The following TRPM5 variants were observed in gnomAD, a reference collection of about 807,000 sequenced individuals.
TRPM5 encodes transient receptor potential cation channel subfamily M member 5.
TRPM5 carries 121 observed loss-of-function variants against 124.9 expected under a neutral mutation model. That is an observed-to-expected ratio of 0.97 (90% CI 0.84 to 1.13). TRPM5 has a LOEUF of 1.13. Ranked by LOEUF, TRPM5 falls within the 50% of genes most tolerant of loss-of-function variation. The pLI is 0.00. For missense variants in TRPM5, 1,643 were observed against 1,589.1 expected (o/e 1.03, Z -0.58); for synonymous variants, 781 against 700.5 (o/e 1.11, Z -1.81).
At chr11:2,435,987 T>G in the TRPM5 span, among the ~76,000 whole-genome samples, 1 of 152,200 alleles carries the variant, frequency 6.6e-6, no homozygotes, top group South Asian at 2.1e-4. The surrounding 1 kb of genome is among the most constrained non-coding windows in gnomAD (Gnocchi z 4.1). Flanking sequence ...CGTAGGCAGT[T>G]CTCGTGGTTT....
the TRPM5 span, among the ~76,000 whole-genome samples, chr11:2,431,027 G>A: frequency 4.6e-5 from 7 of 152,094 alleles, no homozygotes; most frequent in African/African-American, 1.7e-4. Flanking sequence ...ATGTTATAAC[G>A]CTAGCAGCTT....
chr11:2,404,237 G>A (rs527602906), downstream of TRPM5, among the ~76,000 whole-genome samples: 3 of 152,336 alleles, frequency 2.0e-5, no homozygotes, highest in Admixed American at 2.0e-4. Context: ...GTGGGCAGTT[G>A]GGGGGCCTGG....
At chr11:2,406,160 TC>T (rs1279745735) in intron 21 of TRPM5, 69 bp from the exon 27 acceptor site, 9 of 1,535,480 alleles carry the variant, frequency 5.9e-6, no homozygotes, top group Non-Finnish European at 5.4e-6. Flanking sequence ...AGCCTCCCCA[TC>T]CCCCCAGGCC....
chr11:2,421,452 A>C (rs1305438379), intron 2 of TRPM5, among the ~76,000 whole-genome samples: 1 of 152,160 alleles, frequency 6.6e-6, no homozygotes, highest in Non-Finnish European at 1.5e-5. Flanking sequence ...TGGAGCGCAC[A>C]AACTGGGGTC....
exon 20 of TRPM5, chr11:2,407,149 T>TGTGCTCAGCCGCCTC (rs769114719): frequency 6.2e-7 from 1 of 1,608,282 alleles, no homozygotes; most frequent in Admixed American, 1.7e-5. Context: ...TCAGCCTCCT[T>TGTGCTCAGCCGCCTC]CTTGAAGACC....
At chr11:2,440,891 C>A in the TRPM5 span, among the ~76,000 whole-genome samples, 1 of 152,192 alleles carries the variant, frequency 6.6e-6, no homozygotes, top group Non-Finnish European at 1.5e-5. The surrounding 1 kb of genome is among the most constrained non-coding windows in gnomAD (Gnocchi z 5.2). Flanking sequence ...ACACACCCTT[C>A]CCTTGGTCAG....
chr11:2,409,828 C>A (rs1385646174), intron 18 of TRPM5, among the ~76,000 whole-genome samples: 1 of 152,194 alleles, frequency 6.6e-6, no homozygotes, highest in Non-Finnish European at 1.5e-5. Flanking sequence ...GCTCTGAGAT[C>A]CCCGCAGCAC....
chr11:2,421,056 G>C (rs1033240887), exon 3 of TRPM5: 5 of 1,547,400 alleles, frequency 3.2e-6, no homozygotes, highest in Non-Finnish European at 3.5e-6. Flanking sequence ...GAATGCGGCG[G>C]TGCAGGACGC....
intron 2 of TRPM5, 25 bp downstream of exon 7, chr11:2,422,116 C>T: frequency 3.8e-6 from 6 of 1,562,270 alleles, no homozygotes; most frequent in Non-Finnish European, 5.2e-6. Flanking sequence ...GGTGGGAGCG[C>T]TGCCTGTGCC....
intron 8 of TRPM5, among the ~76,000 whole-genome samples, chr11:2,415,685 C>A (rs1331377378): frequency 6.6e-6 from 1 of 152,220 alleles, no homozygotes; most frequent in Non-Finnish European, 1.5e-5. Flanking sequence ...GGTGTCACAA[C>A]CCCCTTGGGC....
intron 16 of TRPM5, 141 bp from the exon 22 acceptor site, chr11:2,411,908 ATTTATT>A: frequency 9.0e-7 from 1 of 1,109,682 alleles, no homozygotes; most frequent in Non-Finnish European, 1.3e-6. Flanking sequence ...TCTTTTGTTT[ATTTATT>A]TTTAAGAGAC....
At chr11:2,422,497 C>G (rs1316508557) in intron 1 of TRPM5, among the ~76,000 whole-genome samples, 176 bp from the exon 7 acceptor site, 1 of 151,004 alleles carries the variant, frequency 6.6e-6, no homozygotes, top group African/African-American at 2.4e-5. Context: ...CGGGGAGGTG[C>G]TGGGCATTGG....
chr11:2,405,736 GGTGA>G, intron 22 of TRPM5, 143 bp from the exon 28 acceptor site: 1 of 927,534 alleles, frequency 1.1e-6, no homozygotes, highest in Non-Finnish European at 1.7e-6. Flanking sequence ...CACAGGCAGG[GGTGA>G]GTGAGGCTCC....
chr11:2,407,596 C>T (rs1850349288), intron 19 of TRPM5, among the ~76,000 whole-genome samples, 163 bp downstream of exon 24: 1 of 152,248 alleles, frequency 6.6e-6, no homozygotes, highest in African/African-American at 2.4e-5. Context: ...CTTGGGCAGG[C>T]AAAGCCCTGC....
rs1490461074 is a variant in TRPM5 at position 2,412,025 on chromosome 11, C to T, written c.2474+110G>A. ...CAAGTGACCCACCCACCTCAGCCTC[C>T]TGAGTAGCTGGGACCACAAGTGCCA... On this transcript the variant is annotated intron_variant, in intron 16 of 23. Transcript: ENST00000155858. 1.5e-5 allele frequency: 16 copies of T among 1,040,250 alleles called. 1 individual carries two copies. In the South Asian group the frequency reaches 2.2e-4, roughly 14 times the overall value. The allele number at this position is 1,040,250 out of a possible 1,614,324, so 64.4% of individuals were successfully genotyped here. A position where few individuals can be genotyped will look rare whatever the true frequency, so the allele number is the denominator to read the frequency against.
chr11:2,420,926 T>C, intron 3 of TRPM5, 106 bp downstream of exon 8: 1 of 1,283,594 alleles, frequency 7.8e-7, no homozygotes, highest in Non-Finnish European at 1.0e-6. Context: ...CTGCTCTTCC[T>C]CCAGCTCGAG....
rs1443859136 is a variant in TRPM5, at chr11:2,407,944, C to T, written c.2783-32G>A. 100 of 1,605,988 alleles carry T rather than the reference C, an allele frequency of 6.2e-5. No homozygotes were observed. The Middle Eastern group carries it at 1.7e-3, about 27-fold the overall frequency. On this transcript the variant is annotated intron_variant, in intron 18 of 23. Transcript: ENST00000155858. ...AGCAAGGGTGCTGTGGGGACCAGACCGGGGGCAGCCACAAGGGCGGCCTTA... is the reference window on the plus strand; with the variant it reads ...AGCAAGGGTGCTGTGGGGACCAGACTGGGGGCAGCCACAAGGGCGGCCTTA...
chr11:2,406,163 C>T, intron 21 of TRPM5, 72 bp from the exon 27 acceptor site: 2 of 1,533,096 alleles, frequency 1.3e-6, no homozygotes, highest in Non-Finnish European at 1.8e-6. Context: ...CTCCCCATCC[C>T]CCCAGGCCTC....
chr11:2,410,493 C>T (rs56235423), intron 18 of TRPM5, among the ~76,000 whole-genome samples: 2,301 of 152,194 alleles, frequency 0.015, 30 homozygotes, highest in Non-Finnish European at 0.021. Context: ...GCCCCAGGGG[C>T]GGGCTGGCTG....
Sources: gnomAD v4.1 joint callset for allele counts (sites outside exome capture counted in the v4.1 genomes callset) on GRCh38, gnomAD v4.1.1 for gene constraint, Gnocchi (gnomAD v3.1) non-coding constraint, MANE v1.5 for transcripts, NCBI Gene and HGNC (gene_info 2026-07-23, HGNC 2026-07-21) for gene names.